The following EBF1 variants were observed in gnomAD, a reference collection of about 807,000 sequenced individuals.
EBF1 encodes transcription factor COE1.
EBF1 carries 10 observed loss-of-function variants against 68.4 expected under a neutral mutation model. That is an observed-to-expected ratio of 0.15 (90% CI 0.09 to 0.25). The LOEUF (loss-of-function observed/expected upper bound fraction) is 0.25. EBF1 is among the 10% of genes least tolerant of loss of function. The pLI is 1.00. For missense variants in EBF1, 509 were observed against 794.4 expected, an observed-to-expected ratio of 0.64 and a Z score of 4.32; for synonymous variants, 298 against 299.8, an observed-to-expected ratio of 0.99 and a Z score of 0.06.
Position 159,097,082 on chromosome 5 carries a change from A to T in EBF1, c.183T>A (p.Asn61Lys). ...AGTGGAAGAAGTTGGATTTCCGCAG[A>T]TTGGAAGGCGGCTGCTTCTCAAAGT... The part of the protein sequence containing the change: ...RAHFEKQPPS[N>K]LRKSNFFHFV... Residue 61 changes from asparagine to lysine, a missense_variant, in exon 2 of 16, where the codon AAT (asparagine) becomes AAA (lysine). By Grantham distance (94) the Asn-to-Lys change is moderately conservative (BLOSUM62 0). Coordinates refer to ENST00000313708, the MANE Select transcript of EBF1 (RefSeq NM_024007.5). The T allele has an allele frequency of 6.2e-7, 1 of 1,613,990 alleles. No individual in the cohort carries two copies. The highest frequency in any genetic ancestry group is 8.5e-7 in the Non-Finnish European group (1 of 1,179,966).
At chr5:159,091,028 A>G (rs1781528576) in intron 4 of EBF1, among the ~76,000 whole-genome samples, 1 of 152,220 alleles carries the variant, frequency 6.6e-6, no homozygotes, top group African/African-American at 2.4e-5. Flanking sequence ...AACTATGTAG[A>G]CAATTCACCA....
rs1021959300 is a variant in EBF1, at chr5:159,033,508, G to A, written c.554+39888C>T. ...GGATGCAGACAGGAAACTGAAGAAA[G>A]ACTTTACACAAAAGTTAAAACGTCT... On this transcript the variant is annotated intron_variant, in intron 6 of 15. Coordinates refer to ENST00000313708, the MANE Select transcript of EBF1 (RefSeq NM_024007.5). 2.0e-5 allele frequency among the ~76,000 whole-genome samples: 3 copies of A among 152,256 alleles called. No homozygotes were observed. In the East Asian group the frequency reaches 5.8e-4, roughly 29 times the overall value.
At chr5:158,775,759 C>T (rs553869491) in intron 10 of EBF1, among the ~76,000 whole-genome samples, 1 of 138,578 alleles carries the variant, frequency 7.2e-6, no homozygotes, top group East Asian at 2.1e-4. Flanking sequence ...CACACACACA[C>T]ACACACACAC....
chr5:158,738,476 C>G (rs1047328072), intron 10 of EBF1, among the ~76,000 whole-genome samples: 2 of 152,186 alleles, frequency 1.3e-5, no homozygotes, highest in Non-Finnish European at 2.9e-5. Context: ...CAATTATTCT[C>G]TAAGTTATAA....
chr5:158,775,759 C>CACACACACACACATGCACACAG, intron 10 of EBF1, among the ~76,000 whole-genome samples: 1 of 138,578 alleles, frequency 7.2e-6, no homozygotes, highest in African/African-American at 2.8e-5. Context: ...CACACACACA[C>CACACACACACACATGCACACAG]ACACACACAC....
chr5:159,005,308 G>A (rs1178798737), intron 6 of EBF1, among the ~76,000 whole-genome samples: 3 of 152,136 alleles, frequency 2.0e-5, no homozygotes, highest in Admixed American at 6.5e-5. Context: ...CAAAGTATGT[G>A]GTCTTCCCCT....
intron 6 of EBF1, among the ~76,000 whole-genome samples, chr5:159,050,190 T>G (rs1297415718): frequency 7.3e-6 from 1 of 137,490 alleles, no homozygotes; most frequent in Non-Finnish European, 1.6e-5. Context: ...CTTCTCTCTT[T>G]TCTCTCTCTC....
rs1345720 is a variant in EBF1, at chr5:158,880,699, T to C, written c.555-40589A>G. On this transcript the variant is annotated intron_variant, in intron 6 of 15. Transcript: ENST00000313708. ...GAAGCAAATCGCTTGCCGATTTAAATAAGAACGGTGTTCGGTTCAGTTGTG... is the reference window on the plus strand; with the variant it reads ...GAAGCAAATCGCTTGCCGATTTAAACAAGAACGGTGTTCGGTTCAGTTGTG... Among the ~76,000 whole-genome samples the C allele has an allele frequency of 5.3e-5, 8 of 152,302 alleles. No homozygotes were observed. In the East Asian group the frequency reaches 1.5e-3, roughly 29 times the overall value.
At chr5:159,023,879 G>A (rs541903187) in intron 6 of EBF1, among the ~76,000 whole-genome samples, 1 of 152,220 alleles carries the variant, frequency 6.6e-6, no homozygotes, top group South Asian at 2.1e-4. Context: ...TGGAGGAAAG[G>A]GTGGGCAAAC....
At chr5:159,096,243 C>G (rs1023062931) in intron 3 of EBF1, 100 bp downstream of exon 3, 116 of 1,284,274 alleles carry the variant, frequency 9.0e-5, no homozygotes, top group Non-Finnish European at 1.2e-4. Flanking sequence ...AAGCGGATGA[C>G]TGACCTTCGC....
chr5:158,971,735 G>C (rs947316285), intron 6 of EBF1, among the ~76,000 whole-genome samples: 5 of 152,036 alleles, frequency 3.3e-5, no homozygotes, highest in African/African-American at 1.2e-4. Context: ...TTTTACTGTG[G>C]CCTCTAAAAA....
chr5:158,937,671 C>G (rs1812341308), intron 6 of EBF1, among the ~76,000 whole-genome samples: 1 of 152,154 alleles, frequency 6.6e-6, no homozygotes, highest in South Asian at 2.1e-4. Context: ...GAATGGCTTC[C>G]CAAGGGAGGC....
In EBF1 at chr5:158,698,739, T is replaced by C; in HGVS notation, c.*372A>G. The C allele has an allele frequency of 4.4e-6, 1 of 224,846 alleles. No homozygotes were observed. The highest frequency in any genetic ancestry group is 8.8e-6 in the Non-Finnish European group (1 of 114,160). The allele number at this position is 224,846 out of a possible 1,614,324, so 13.9% of individuals were successfully genotyped here. A position where few individuals can be genotyped will look rare whatever the true frequency, so the allele number is the denominator to read the frequency against. On this transcript the variant is annotated 3_prime_UTR_variant, in exon 16 of 16. Coordinates refer to ENST00000313708, the MANE Select transcript of EBF1 (RefSeq NM_024007.5). The stretch of plus-strand genomic sequence containing the variant: ...TACACAGCTTTAAAAACATCATAAA[T>C]TAAAACATGGAGTCTTATTTATAGT...
intron 6 of EBF1, among the ~76,000 whole-genome samples, chr5:158,920,146 T>C (rs935120960): frequency 6.6e-6 from 1 of 151,556 alleles, no homozygotes; most frequent in African/African-American, 2.4e-5. Context: ...GTGCTCATTA[T>C]ATACATATGT....
At chr5:159,096,462 G>A in intron 2 of EBF1, 56 bp from the exon 3 acceptor site, 1 of 1,581,422 alleles carries the variant, frequency 6.3e-7, no homozygotes, top group Non-Finnish European at 8.6e-7. Context: ...GTCTGCGTGA[G>A]CGAGTGGACC....
chr5:158,765,876 C>T (rs1772546483), intron 10 of EBF1, among the ~76,000 whole-genome samples: 6 of 152,148 alleles, frequency 3.9e-5, no homozygotes, highest in Admixed American at 3.9e-4. Context: ...GATAATTCAA[C>T]TCATACCAAG....
intron 10 of EBF1, among the ~76,000 whole-genome samples, chr5:158,765,652 G>T (rs566226297): frequency 2.6e-5 from 4 of 152,124 alleles, no homozygotes; most frequent in Non-Finnish European, 5.9e-5. Flanking sequence ...GTGGGTATGA[G>T]GGGAAGTCGC....
intron 10 of EBF1, among the ~76,000 whole-genome samples, chr5:158,757,561 C>T (rs1770399457): frequency 1.3e-5 from 2 of 152,146 alleles, no homozygotes; most frequent in South Asian, 2.1e-4. Flanking sequence ...CACAGTGCAA[C>T]ATTTCCATTA....
intron 10 of EBF1, among the ~76,000 whole-genome samples, chr5:158,742,900 G>A (rs1326620887): frequency 6.6e-6 from 1 of 152,226 alleles, no homozygotes; most frequent in East Asian, 1.9e-4. Flanking sequence ...CCAGACTTGG[G>A]GTGTTTTATA....
Sources: gnomAD v4.1 joint callset for allele counts (sites outside exome capture counted in the v4.1 genomes callset) on GRCh38, gnomAD v4.1.1 for gene constraint, MANE v1.5 for transcripts, NCBI Gene and HGNC (gene_info 2026-07-23, HGNC 2026-07-21) for gene names.